Variants in SNX5 observed in about 807,000 individuals in gnomAD.
SNX5 encodes sorting nexin 5.
Under a neutral mutation model 53.9 loss-of-function variants are expected in SNX5, and 31 were observed. That is an observed-to-expected ratio of 0.58 (90% confidence interval 0.43 to 0.78). The LOEUF (loss-of-function observed/expected upper bound fraction) is 0.78. SNX5 is among the 30% of genes least tolerant of loss of function. The pLI is 0.00. For missense variants in SNX5, 471 were observed against 478.8 expected (o/e 0.98, Z 0.15); for synonymous variants, 168 against 171.1 (o/e 0.98, Z 0.14).
At chr20:17,947,338 CTG>C (rs944424068) in intron 11 of SNX5, 146 bp downstream of exon 11, 2 of 760,346 alleles carry the variant, frequency 2.6e-6, no homozygotes, top group Admixed American at 3.0e-5. Flanking sequence ...ATGAGGATGA[CTG>C]TGCATGTGCA....
In SNX5 at chr20:17,968,454, C is replaced by G; in HGVS notation, c.-29G>C. 7.8e-7 allele frequency: 1 copy of G among 1,286,716 alleles called. No homozygotes were observed. Among genetic ancestry groups the G allele is most frequent in the Non-Finnish European group, 9.9e-7 (1 of 1,014,812 alleles). 79.7% of individuals were successfully genotyped at this position (1,286,716 alleles called of 1,614,324 possible). On this transcript the variant is annotated 5_prime_UTR_variant, in exon 1 of 13. Coordinates refer to ENST00000377759, the MANE Select transcript of SNX5 (RefSeq NM_014426.4). The stretch of plus-strand genomic sequence containing the variant: ...GACGCGGGACTCGAGCAGGGGCCGC[C>G]TGGCTGTGCGAGGAAAGAAGAAGCT...
intron 1 of SNX5, chr20:17,962,051 C>A (rs1447785822): frequency 2.2e-6 from 2 of 897,128 alleles, no homozygotes; most frequent in African/African-American, 3.6e-5. Flanking sequence ...AACAATGTTC[C>A]CATTGGTGCT....
chr20:17,943,235 A>G (rs996256705), intron 11 of SNX5, 40 bp from the exon 12 acceptor site: 2 of 1,347,266 alleles, frequency 1.5e-6, no homozygotes, highest in African/African-American at 2.9e-5. Context: ...AAGAAAAACT[A>G]AACAATTTTC....
chr20:17,959,577 G>GT (rs2035416487), intron 1 of SNX5, among the ~76,000 whole-genome samples: 2 of 152,264 alleles, frequency 1.3e-5, no homozygotes, highest in South Asian at 4.1e-4. Context: ...ATGCAATGTT[G>GT]TATTTGGGCC....
chr20:17,953,150 T>C (rs1354732283), intron 4 of SNX5, among the ~76,000 whole-genome samples: 1 of 152,166 alleles, frequency 6.6e-6, no homozygotes, highest in Non-Finnish European at 1.5e-5. Flanking sequence ...CGGTAGAAAC[T>C]TGGATCTGTT....
chr20:17,954,645 A>C (rs1313194755), intron 3 of SNX5, among the ~76,000 whole-genome samples: 1 of 152,172 alleles, frequency 6.6e-6, no homozygotes, highest in Admixed American at 6.5e-5. Context: ...ATCTCCTTTA[A>C]AATCAGTTAA....
chr20:17,955,397 G>C lies in SNX5; in HGVS notation c.235C>G (p.Leu79Val). The C allele has an allele frequency of 6.2e-7, 1 of 1,613,754 alleles. No homozygotes were observed. Among genetic ancestry groups the C allele is most frequent in the African/African-American group, 1.3e-5 (1 of 75,040 alleles). The part of the protein sequence containing the change: ...HEDFVWLHDT[L>V]IETTDYAGLI... ...CCAGCATAGTCTGTTGTTTCAATAA[G>C]AGTGTCATGTAGCCACACAAAGTCT... Residue 79 changes from leucine (L) to valine (V), a missense_variant, in exon 3 of 13, where the codon CTT becomes GTT. Transcript: ENST00000377759.
At chr20:17,942,681 A>G (rs1600328369) in intron 12 of SNX5, 2 of 486,688 alleles carry the variant, frequency 4.1e-6, no homozygotes, top group Admixed American at 3.6e-5. Context: ...CCTAAATGTG[A>G]TCCTGCTTAC....
chr20:17,960,732 G>A (rs1187873288), intron 1 of SNX5, among the ~76,000 whole-genome samples: 7 of 145,306 alleles, frequency 4.8e-5, no homozygotes, highest in African/African-American at 1.0e-4. Flanking sequence ...AGCCAAGATC[G>A]CACCACTGCA....
At chr20:17,959,405 A>G (rs1187380898) in intron 1 of SNX5, among the ~76,000 whole-genome samples, 1 of 152,232 alleles carries the variant, frequency 6.6e-6, no homozygotes, top group East Asian at 1.9e-4. Context: ...GATGAAGACA[A>G]AAAGAAGAAA....
In SNX5 at chr20:17,968,718, G is replaced by C; in HGVS notation, c.-293C>G. 4.6e-6 allele frequency: 2 copies of C among 430,650 alleles called. No individual in the cohort carries two copies. Among genetic ancestry groups the C allele is most frequent in the South Asian group, 5.2e-5 (2 of 38,698 alleles). The allele number at this position is 430,650 out of a possible 1,614,324, so 26.7% of individuals were successfully genotyped here. A position where few individuals can be genotyped will look rare whatever the true frequency, so the allele number is the denominator to read the frequency against. On this transcript the variant is annotated 5_prime_UTR_variant, in exon 1 of 13. Coordinates refer to ENST00000377759, the MANE Select transcript of SNX5 (RefSeq NM_014426.4). ...GGCCTACCCTTGCTCCGCTCCACGA[G>C]GAGGCCGCCAACCGCAGGGCCGCGA...
chr20:17,966,825 T>C (rs2035545679), intron 1 of SNX5, among the ~76,000 whole-genome samples: 1 of 152,204 alleles, frequency 6.6e-6, no homozygotes, highest in Non-Finnish European at 1.5e-5. Flanking sequence ...ATTTCATACT[T>C]GCCCCAAACT....
intron 1 of SNX5, among the ~76,000 whole-genome samples, chr20:17,960,738 CTGCACTTCAGCCTGGGCAACAG>C (rs1010426177): frequency 6.7e-6 from 1 of 149,134 alleles, no homozygotes; most frequent in African/African-American, 2.5e-5. Context: ...GATCGCACCA[CTGCACTTCAGCCTGGGCAACAG>C]AGCGAGTCTC....
intron 1 of SNX5, chr20:17,961,130 AT>A (rs2035441486): frequency 2.5e-5 from 25 of 985,388 alleles, no homozygotes; most frequent in Non-Finnish European, 3.0e-5. Flanking sequence ...ATCCCTGTGC[AT>A]TTCCTCACCT....
chr20:17,943,210 A>T lies in SNX5; in HGVS notation c.1079-15T>A, dbSNP rs767929526. 6.5e-7 allele frequency: 1 copy of T among 1,542,720 alleles called. No homozygotes were observed. Among genetic ancestry groups the T allele is most frequent in the Non-Finnish European group, 8.9e-7 (1 of 1,119,738 alleles). On this transcript the variant is annotated splice_polypyrimidine_tract_variant and intron_variant, in intron 11 of 12. Coordinates refer to ENST00000377759, the MANE Select transcript of SNX5 (RefSeq NM_014426.4). Reference sequence around the variant, plus strand: ...ATTTATCAGTTCTACAGGAAGAAAAAATGTTTATGAAACCAAGAAAAACTA... The same window carrying T: ...ATTTATCAGTTCTACAGGAAGAAAATATGTTTATGAAACCAAGAAAAACTA...
intron 1 of SNX5, chr20:17,967,564 G>A (rs2035568526): frequency 6.6e-6 from 1 of 152,340 alleles, no homozygotes; most frequent in Non-Finnish European, 1.5e-5. Flanking sequence ...TATTTTTAGA[G>A]GTTCTTTTTC....
rs949185284 is a variant in SNX5, at chr20:17,954,120, G to A, written c.268-3C>T. On this transcript the variant is annotated splice_polypyrimidine_tract_variant and splice_region_variant and intron_variant, in intron 3 of 12. Transcript: ENST00000377759. ...GGCTTCGTAGGAGCAGGTGGAATCT[G>A]CAGCAGAGGCAGGAACTCATGAGCC... The A allele has an allele frequency of 6.2e-7, 1 of 1,612,858 alleles. No homozygotes were observed. The highest frequency in any genetic ancestry group is 1.3e-5 in the African/African-American group (1 of 74,822).
chr20:17,944,075 A>G (rs1240694673), intron 11 of SNX5: 1 of 152,228 alleles, frequency 6.6e-6, no homozygotes, highest in African/African-American at 2.4e-5. Flanking sequence ...TATGCCAAAT[A>G]AAATAAACCA....
intron 1 of SNX5, among the ~76,000 whole-genome samples, chr20:17,958,940 G>C (rs192228692): frequency 8.5e-5 from 13 of 152,340 alleles, no homozygotes; most frequent in African/African-American, 2.6e-4. Flanking sequence ...AACAGAGCCA[G>C]GCCTAAGAAG....
Sources: gnomAD v4.1 joint callset for allele counts (sites outside exome capture counted in the v4.1 genomes callset) on GRCh38, gnomAD v4.1.1 for gene constraint, MANE v1.5 for transcripts, NCBI Gene and HGNC (gene_info 2026-07-23, HGNC 2026-07-21) for gene names.